SUPT5H: variants seen among roughly 807,000 people sequenced by gnomAD.
SUPT5H encodes SPT5 homolog, DSIF elongation factor subunit.
In SUPT5H, 24 loss-of-function variants were observed where a neutral mutation model predicts 142.5. That is an observed-to-expected ratio of 0.17 (90% CI 0.12 to 0.24). The LOEUF (loss-of-function observed/expected upper bound fraction) is 0.24, where lower values mean the gene tolerates loss of function less well. Ranked by LOEUF, SUPT5H falls within the 10% of genes least tolerant of loss-of-function variation. SUPT5H has a pLI of 1.00. For missense variants in SUPT5H, 893 were observed against 1,471.8 expected, an observed-to-expected ratio of 0.61 and a Z score of 6.43; for synonymous variants, 546 against 553.0, an observed-to-expected ratio of 0.99 and a Z score of 0.18.
Position 39,451,442 on chromosome 19 carries a change from C to T in SUPT5H, c.76-1914C>T, listed in dbSNP as rs1365725075. On this transcript the variant is annotated intron_variant, in intron 2 of 29. Coordinates refer to ENST00000432763, the MANE Select transcript of SUPT5H (RefSeq NM_001111020.3). ...AACTCCTGACCTCAGGTGATCCGCG[C>T]GAGCCACCGCGCCCAGCCTGAGCAT... 2.6e-5 allele frequency among the ~76,000 whole-genome samples: 4 copies of T among 151,844 alleles called. No individual in the cohort carries two copies. The South Asian group carries it at 8.3e-4, about 32-fold the overall frequency.
chr19:39,467,529 A>G (rs1048147113), intron 13 of SUPT5H: 2 of 152,370 alleles, frequency 1.3e-5, no homozygotes, highest in Admixed American at 6.5e-5. Flanking sequence ...TTCATGGACT[A>G]TGTCAGGCTT....
intron 3 of SUPT5H, among the ~76,000 whole-genome samples, chr19:39,453,993 T>C (rs1029927334): frequency 6.6e-6 from 1 of 152,236 alleles, no homozygotes; most frequent in Non-Finnish European, 1.5e-5. Context: ...AGTACAGTTA[T>C]CAGAATATTT....
intron 2 of SUPT5H, among the ~76,000 whole-genome samples, chr19:39,449,647 G>GTT (rs935822271): frequency 2.1e-5 from 3 of 145,436 alleles, no homozygotes; most frequent in Admixed American, 6.9e-5. Flanking sequence ...GGTTAGTTTG[G>GTT]TTTTTTTTTT....
In SUPT5H at chr19:39,457,714, A is replaced by C; in HGVS notation, c.281A>C (p.Asp94Ala). The C allele has an allele frequency of 7.4e-6, 12 of 1,614,056 alleles. No individual in the cohort carries two copies. Among genetic ancestry groups the C allele is most frequent in the Non-Finnish European group, 1.0e-5 (12 of 1,180,002 alleles). Residue 94 changes from aspartate to alanine, a missense_variant, in exon 4 of 30, where the codon GAT becomes GCT. Around this residue, in one of 6 missense-constraint regions of SUPT5H, gnomAD observed 5 missense variants for 34.5 expected, o/e 0.14. Transcript: ENST00000432763. ...DEYEDEDQWE[D>A]GAEDILEKEE... ...TATGAGGACGAGGACCAGTGGGAGG[A>C]TGGAGCAGAGGACATTCTAGAGAAA...
chr19:39,465,152 C>A, intron 11 of SUPT5H, 103 bp downstream of exon 11: 1 of 1,463,422 alleles, frequency 6.8e-7, no homozygotes, highest in Non-Finnish European at 9.2e-7. Context: ...AGAATAGAAT[C>A]CCACTCAGAT....
At chr19:39,462,924 G>T (rs1029187994) in intron 10 of SUPT5H, among the ~76,000 whole-genome samples, 1 of 125,258 alleles carries the variant, frequency 8.0e-6, no homozygotes, top group African/African-American at 3.1e-5. Context: ...ACCGCAACCT[G>T]CACCTCCCGG....
Position 39,468,947 on chromosome 19 carries a change from C to G in SUPT5H, c.1143+86C>G, listed in dbSNP as rs2079280324. 3 of 1,542,856 alleles carry G rather than the reference C, an allele frequency of 1.9e-6. No individual in the cohort carries two copies. In the Admixed American group the frequency reaches 5.0e-5, roughly 26 times the overall value. The stretch of plus-strand genomic sequence containing the variant: ...GCCCTGGGCTGTGGGTTATCTGGTT[C>G]TGTCCCACTCCTCAAGTTAGGAGTG... On this transcript the variant is annotated intron_variant, in intron 14 of 29. Coordinates refer to ENST00000432763, the MANE Select transcript of SUPT5H (RefSeq NM_001111020.3).
chr19:39,446,088 C>A, intron 2 of SUPT5H, 123 bp downstream of exon 2: 1 of 1,082,406 alleles, frequency 9.2e-7, no homozygotes. Flanking sequence ...CCCAGATTGT[C>A]TCAAGAGATA....
Position 39,445,604 on chromosome 19 carries a change from A to C in SUPT5H, c.-121A>C, listed in dbSNP as rs965290871. 4 of 436,944 alleles carry C rather than the reference A, an allele frequency of 9.2e-6. No homozygotes were observed. The highest frequency in any genetic ancestry group is 3.4e-5 in the Admixed American group (1 of 29,392). 27.1% of individuals were successfully genotyped at this position (436,944 alleles called of 1,614,324 possible). ...CCCAGTCAGGCGTCGTGCGAACAGCAGCTGGTACCGAAGGCGGAGGTGGAG... is the reference window on the plus strand; with the variant it reads ...CCCAGTCAGGCGTCGTGCGAACAGCCGCTGGTACCGAAGGCGGAGGTGGAG... On this transcript the variant is annotated 5_prime_UTR_variant, in exon 1 of 30. Coordinates refer to ENST00000432763, the MANE Select transcript of SUPT5H (RefSeq NM_001111020.3).
In SUPT5H at chr19:39,466,787, C is replaced by T. The variant is rs780606543; in HGVS notation, c.1037+42C>T. ...ACTGGCTGGGCTGGGTCCCCAGGGC[C>T]GGTGTGTAGAATGTGCCTTTTGCAG... On this transcript the variant is annotated intron_variant, in intron 13 of 29. Coordinates refer to ENST00000432763, the MANE Select transcript of SUPT5H (RefSeq NM_001111020.3). This position sits in a 1 kb window ranked among gnomAD's most constrained non-coding sequence, Gnocchi z 4.3. The T allele has an allele frequency of 1.4e-5, 23 of 1,600,452 alleles. No individual in the cohort carries two copies. In the Admixed American group the frequency reaches 1.8e-4, roughly 13 times the overall value.
At chr19:39,446,174 C>G (rs2078951325) in intron 2 of SUPT5H, among the ~76,000 whole-genome samples, 1 of 152,036 alleles carries the variant, frequency 6.6e-6, no homozygotes, top group African/African-American at 2.4e-5. Flanking sequence ...AGTGAGATAA[C>G]AGGTGATGTT....
At position 39,458,419 on chromosome 19, in the gene SUPT5H, G is replaced by A. The variant is rs2079120046; in HGVS notation, c.319+114G>A. ...TCCCCACCAGCCCCGGTCTGGCCCT[G>A]AGGGCTCTGACCCATGTAGGATCCA... On this transcript the variant is annotated intron_variant, in intron 5 of 29. Transcript: ENST00000432763. The surrounding 1 kb of genome is among the most constrained non-coding windows in gnomAD (Gnocchi z 4.2). The A allele has an allele frequency of 3.2e-6, 5 of 1,562,232 alleles. No individual in the cohort carries two copies. In the South Asian group the frequency reaches 6.0e-5, roughly 19 times the overall value.
chr19:39,450,576 G>A (rs1213814083), intron 2 of SUPT5H, among the ~76,000 whole-genome samples: 1 of 152,242 alleles, frequency 6.6e-6, no homozygotes, highest in Non-Finnish European at 1.5e-5. Context: ...GGGAGAGGCA[G>A]CAGGCAGAGC....
rs747597685 is a variant in SUPT5H at position 39,474,544 on chromosome 19, C to T, written c.2850C>T (p.Tyr950=). The part of the protein sequence containing the change: ...QASPSPSPVG[Y]SPMTPGAPSP... ...GCCCCAGCCCGAGCCCCGTTGGCTA[C>T]AGTCCTATGACACCTGGAGCTCCCT... is the stretch of plus-strand genomic sequence containing the variant. The change falls in exon 28 of 30, where the codon TAC becomes TAT. Residue 950 remains tyrosine (Y), a synonymous_variant. Coordinates refer to ENST00000432763, the MANE Select transcript of SUPT5H (RefSeq NM_001111020.3). This position sits in a 1 kb window ranked among gnomAD's most constrained non-coding sequence, Gnocchi z 6.5. 9 of 1,614,104 alleles carry T rather than the reference C, an allele frequency of 5.6e-6. No homozygotes were observed. The highest frequency in any genetic ancestry group is 7.6e-6 in the Non-Finnish European group (9 of 1,180,052).
At position 39,445,591 on chromosome 19, in the gene SUPT5H, T is replaced by C. The variant is rs1204643746; in HGVS notation, c.-134T>C. 1 of 402,816 alleles carries C rather than the reference T, an allele frequency of 2.5e-6. No individual in the cohort carries two copies. Among genetic ancestry groups the C allele is most frequent in the Non-Finnish European group, 4.7e-6 (1 of 213,258 alleles). The allele number at this position is 402,816 out of a possible 1,614,324, so 25.0% of individuals were successfully genotyped here. On this transcript the variant is annotated 5_prime_UTR_variant, in exon 1 of 30. Coordinates refer to ENST00000432763, the MANE Select transcript of SUPT5H (RefSeq NM_001111020.3). ...AGGACCCGTCAGCCCCAGTCAGGCG[T>C]CGTGCGAACAGCAGCTGGTACCGAA...
intron 10 of SUPT5H, 151 bp from the exon 11 acceptor site, chr19:39,464,647 T>C: frequency 8.4e-7 from 1 of 1,183,638 alleles, no homozygotes. Context: ...GATAAATAAT[T>C]CTGCAGGGAA....
At position 39,458,746 on chromosome 19, in the gene SUPT5H, C is replaced by T; in HGVS notation, c.320-72C>T. 1 of 1,430,688 alleles carries T rather than the reference C, an allele frequency of 7.0e-7. No homozygotes were observed. Among genetic ancestry groups the T allele is most frequent in the Non-Finnish European group, 9.5e-7 (1 of 1,048,406 alleles). 88.6% of individuals were successfully genotyped at this position (1,430,688 alleles called of 1,614,324 possible). A position where few individuals can be genotyped will look rare whatever the true frequency, so the allele number is the denominator to read the frequency against. On this transcript the variant is annotated intron_variant, in intron 5 of 29. Coordinates refer to ENST00000432763, the MANE Select transcript of SUPT5H (RefSeq NM_001111020.3). The surrounding 1 kb of genome is among the most constrained non-coding windows in gnomAD (Gnocchi z 4.2). ...GGCCAAACCCTGGCCCTCTTAGCTG[C>T]ACGCTCCTATTTTCTCCAGGCCCCT...
chr19:39,461,243 C>G (rs1303963307), intron 10 of SUPT5H, among the ~76,000 whole-genome samples: 1 of 151,846 alleles, frequency 6.6e-6, no homozygotes, highest in Admixed American at 6.6e-5. Flanking sequence ...TGAGCCAAGA[C>G]TGCGCTATTG....
Position 39,470,055 on chromosome 19 carries a change from AG to A in SUPT5H, c.1375-60del, listed in dbSNP as rs1184355903. 34 of 1,565,708 alleles carry A rather than the reference AG, an allele frequency of 2.2e-5. No homozygotes were observed. The highest frequency in any genetic ancestry group is 2.7e-5 in the Non-Finnish European group (31 of 1,148,748). ...AACATGCGTAGATTCTGAAGACAGG[AG>A]GGGCAGGCAGGTTGTGGTGGTCTCC... On this transcript the variant is annotated intron_variant, in intron 16 of 29. Coordinates refer to ENST00000432763, the MANE Select transcript of SUPT5H (RefSeq NM_001111020.3). The surrounding 1 kb of genome is among the most constrained non-coding windows in gnomAD (Gnocchi z 5.8).
Sources: gnomAD v4.1 joint callset for allele counts (sites outside exome capture counted in the v4.1 genomes callset) on GRCh38, gnomAD v4.1.1 for gene constraint, gnomAD v4.1.1 regional missense constraint, Gnocchi (gnomAD v3.1) non-coding constraint, MANE v1.5 for transcripts, NCBI Gene and HGNC (gene_info 2026-07-23, HGNC 2026-07-21) for gene names.